Variants in TMEM165 observed in about 807,000 individuals in gnomAD.
The protein encoded by TMEM165 is transmembrane protein 165, also known as putative divalent cation/proton antiporter TMEM165.
A neutral mutation model predicts 30.0 loss-of-function variants in TMEM165; 19 were observed. The ratio of observed to expected loss-of-function variants is 0.63; its 90% CI spans 0.44 to 0.93. The LOEUF is 0.93. TMEM165 is among the 40% of genes least tolerant of loss of function. TMEM165 has a pLI of 0.00. For synonymous variants in TMEM165, 168 were observed against 162.9 expected (o/e 1.03, Z -0.24); for missense variants, 340 against 417.0 (o/e 0.82, Z 1.61).
At chr4:55,450,375 A>C in intron 3 of TMEM165, 1 of 890,480 alleles carries the variant, frequency 1.1e-6, no homozygotes, top group Non-Finnish European at 1.8e-6. Context: ...CATGTAAAGA[A>C]ATGAAAATTT....
rs1377515116 is a variant in TMEM165 at position 55,424,583 on chromosome 4, T to A, written c.838T>A (p.Cys280Ser). 1 of 1,614,066 alleles carries A rather than the reference T, an allele frequency of 6.2e-7. No individual in the cohort carries two copies. Among genetic ancestry groups the A allele is most frequent in the Non-Finnish European group, 8.5e-7 (1 of 1,179,930 alleles). Residue 280 changes from cysteine to serine, a missense_variant, in exon 5 of 6, where the codon TGC becomes AGC. Physicochemically the swap from Cys to Ser is moderately radical, Grantham distance 112. Around this residue, in one of 2 missense-constraint regions of TMEM165, gnomAD observed 220 missense variants for 307.6 expected, o/e 0.72. Coordinates refer to ENST00000381334, the MANE Select transcript of TMEM165 (RefSeq NM_018475.5). ...AVGGTVGHCL[C>S]TGLAVIGGRM... ...GGGTGGAACTGTGGGGCACTGCCTG[T>A]GCACGGGATTGGCAGTAATTGGAGG...
intron 1 of TMEM165, among the ~76,000 whole-genome samples, chr4:55,409,820 C>A (rs149587580): frequency 6.6e-6 from 1 of 152,156 alleles, no homozygotes; most frequent in Non-Finnish European, 1.5e-5. Flanking sequence ...ACTTTGGGTG[C>A]GTCTTTGGAG....
intron 1 of TMEM165, among the ~76,000 whole-genome samples, chr4:55,402,923 C>A: frequency 6.6e-6 from 1 of 150,640 alleles, no homozygotes; most frequent in Admixed American, 6.6e-5. Context: ...TCCCAAGTAG[C>A]TGGGACTACA....
intron 4 of TMEM165, among the ~76,000 whole-genome samples, chr4:55,420,106 A>AAAAAAAAAAATAT (rs1474254120): frequency 2.9e-4 from 13 of 45,436 alleles, no homozygotes; most frequent in South Asian, 4.0e-3. Flanking sequence ...AAGAAAAAAA[A>AAAAAAAAAAATAT]ATATATATAT....
intron 2 of TMEM165, among the ~76,000 whole-genome samples, chr4:55,412,388 C>A: frequency 6.0e-5 from 2 of 33,200 alleles, no homozygotes; most frequent in Admixed American, 5.5e-4. Flanking sequence ...AGTGAGACTC[C>A]ATCTCAAAAA....
chr4:55,416,219 G>A (rs1721714786), intron 2 of TMEM165: 1 of 151,992 alleles, frequency 6.6e-6, no homozygotes, highest in Non-Finnish European at 1.5e-5. Context: ...GTTTTTGTTT[G>A]TTTATGAGAC....
intron 4 of TMEM165, chr4:55,423,225 A>G (rs1340407924): frequency 6.6e-6 from 1 of 152,134 alleles, no homozygotes; most frequent in African/African-American, 2.4e-5. Flanking sequence ...CTTGGCTCTG[A>G]TATTTTTCCA....
In TMEM165 at chr4:55,435,352, T is replaced by G. The variant is rs910407733; in HGVS notation, c.408+10709T>G. 2.5e-6 allele frequency: 4 copies of G among 1,585,072 alleles called. No individual in the cohort carries two copies. In the African/African-American group the frequency reaches 5.4e-5, roughly 21 times the overall value. ...AACTTTCCCTCCTTTCCTCAGGTCA[T>G]CTGAGTAACTCTTAATGGGCCATCC... On this transcript the variant is annotated intron_variant, in intron 3 of 3. Coordinates refer to the TMEM165 transcript ENST00000608091.
chr4:55,405,533 C>G (rs1578232133), intron 1 of TMEM165, among the ~76,000 whole-genome samples: 1 of 152,190 alleles, frequency 6.6e-6, no homozygotes, highest in Non-Finnish European at 1.5e-5. Context: ...TTTTATTCCC[C>G]TTTCCGACAT....
At chr4:55,452,885 T>G (rs928798187) in exon 4 of TMEM165, 15 of 527,250 alleles carry the variant, frequency 2.8e-5, no homozygotes, top group South Asian at 2.6e-5. Flanking sequence ...TAGAGGCAGG[T>G]GAGACTCTAA....
chr4:55,429,968 G>T (rs1722396567), downstream of TMEM165: 1 of 152,162 alleles, frequency 6.6e-6, no homozygotes, highest in Admixed American at 6.5e-5. Context: ...ATCAGAGCCA[G>T]TTCCCTAAGA....
chr4:55,453,068 T>C (rs112379702), exon 4 of TMEM165: 1 of 1,609,848 alleles, frequency 6.2e-7, no homozygotes, highest in South Asian at 1.1e-5. Context: ...TCAGCAGCTG[T>C]CTCAGGAAGA....
intron 5 of TMEM165, 145 bp downstream of exon 5, chr4:55,424,788 TG>T: frequency 1.7e-6 from 1 of 593,852 alleles, no homozygotes; most frequent in South Asian, 2.3e-5. Context: ...GTATTAATCC[TG>T]GTATTGCAAA....
chr4:55,449,907 G>T (rs1724268333), intron 3 of TMEM165, among the ~76,000 whole-genome samples: 1 of 152,130 alleles, frequency 6.6e-6, no homozygotes, highest in African/African-American at 2.4e-5. Flanking sequence ...TAGGCTACTT[G>T]AAGAACTTAA....
At chr4:55,408,378 C>G (rs1002635880) in intron 1 of TMEM165, among the ~76,000 whole-genome samples, 2 of 152,108 alleles carry the variant, frequency 1.3e-5, no homozygotes, top group African/African-American at 2.4e-5. Context: ...AGAGTGTACT[C>G]AACACAAACC....
intron 1 of TMEM165, among the ~76,000 whole-genome samples, chr4:55,411,352 A>G (rs1035255261): frequency 3.3e-5 from 5 of 152,140 alleles, no homozygotes; most frequent in African/African-American, 9.7e-5. Flanking sequence ...GTACTCAGCT[A>G]TGATATAAAT....
exon 4 of TMEM165, chr4:55,453,336 G>A (rs1390399619): frequency 7.5e-6 from 4 of 531,948 alleles, no homozygotes; most frequent in South Asian, 6.3e-5. Flanking sequence ...TGCTGTAAAC[G>A]ATCCATAACC....
In TMEM165 at chr4:55,425,474, TTTAG is replaced by T; in HGVS notation, c.*25_*28del. On this transcript the variant is annotated 3_prime_UTR_variant, in exon 6 of 6. Transcript: ENST00000381334. The stretch of plus-strand genomic sequence containing the variant: ...TTAACAAGCTGTTTGTTCATCTATA[TTTAG>T]TTTAAAATAGGTAGTATTATCTTTC... 6.3e-7 allele frequency: 1 copy of T among 1,576,396 alleles called. No homozygotes were observed. Among genetic ancestry groups the T allele is most frequent in the African/African-American group, 1.3e-5 (1 of 74,136 alleles).
chr4:55,417,552 T>A, intron 3 of TMEM165: 1 of 545,436 alleles, frequency 1.8e-6, no homozygotes, highest in East Asian at 3.0e-5. Context: ...CCGTGGTGTC[T>A]AGGATAGTAA....
Sources: allele counts gnomAD v4.1 joint callset (sites outside exome capture counted in the v4.1 genomes callset), GRCh38; gene constraint gnomAD v4.1.1; regional missense constraint gnomAD v4.1.1; transcripts MANE v1.5; gene names NCBI Gene and HGNC (gene_info 2026-07-23, HGNC 2026-07-21).